GRM7: variants seen among roughly 807,000 people sequenced by gnomAD.
GRM7 encodes the protein metabotropic glutamate receptor 7.
In GRM7, 35 loss-of-function variants were observed where a neutral mutation model predicts 84.5. That is an observed-to-expected ratio of 0.41 (90% CI 0.32 to 0.55). The LOEUF (loss-of-function observed/expected upper bound fraction) is 0.55. GRM7 is among the 20% of genes least tolerant of loss of function. The pLI is 0.19. For missense variants in GRM7, 1,003 were observed against 1,194.6 expected (o/e 0.84, Z 2.36); for synonymous variants, 487 against 455.1 (o/e 1.07, Z -0.89).
intron 4 of GRM7, among the ~76,000 whole-genome samples, chr3:7,410,538 A>G (rs1695881392): frequency 6.6e-6 from 1 of 151,232 alleles, no homozygotes; most frequent in African/African-American, 2.4e-5. Flanking sequence ...GAGCCACTGC[A>G]CTCCAGCCTG....
chr3:6,987,122 C>T, intron 1 of GRM7, among the ~76,000 whole-genome samples: 1 of 152,252 alleles, frequency 6.6e-6, no homozygotes, highest in African/African-American at 2.4e-5. Flanking sequence ...CTTTAGCTCC[C>T]TCCCTGTTTG....
At chr3:7,150,630 A>G (rs1197675610) in intron 2 of GRM7, among the ~76,000 whole-genome samples, 1 of 152,228 alleles carries the variant, frequency 6.6e-6, no homozygotes, top group African/African-American at 2.4e-5. Flanking sequence ...TTATATTTGC[A>G]TAAATTGCCC....
chr3:7,341,484 C>A (rs562687442), intron 4 of GRM7, among the ~76,000 whole-genome samples: 85 of 151,730 alleles, frequency 5.6e-4, no homozygotes, highest in Middle Eastern at 3.4e-3. Flanking sequence ...TTTTATGAGC[C>A]TTTGCAATCC....
At chr3:7,158,882 A>T (rs1275774238) in intron 2 of GRM7, among the ~76,000 whole-genome samples, 1 of 152,180 alleles carries the variant, frequency 6.6e-6, no homozygotes, top group Non-Finnish European at 1.5e-5. Context: ...TGTATTTCCT[A>T]ATTCCTTAAA....
At chr3:7,363,995 T>C (rs1014126131) in intron 4 of GRM7, among the ~76,000 whole-genome samples, 2 of 152,058 alleles carry the variant, frequency 1.3e-5, no homozygotes, top group African/African-American at 4.8e-5. Flanking sequence ...TCTCCAACTG[T>C]TAAGAGTTGG....
intron 9 of GRM7, among the ~76,000 whole-genome samples, chr3:7,729,402 G>A (rs1018879821): frequency 6.6e-6 from 1 of 152,156 alleles, no homozygotes; most frequent in Non-Finnish European, 1.5e-5. Context: ...AAAGTGCTGT[G>A]TCATATTCCT....
At chr3:7,064,680 A>G (rs1023927370) in intron 1 of GRM7, among the ~76,000 whole-genome samples, 8 of 150,942 alleles carry the variant, frequency 5.3e-5, no homozygotes, top group Admixed American at 4.6e-4. Flanking sequence ...TCTTTTTCGA[A>G]TAGTGTCTTC....
At chr3:7,261,439 T>C (rs1475810743) in intron 2 of GRM7, among the ~76,000 whole-genome samples, 1 of 152,198 alleles carries the variant, frequency 6.6e-6, no homozygotes, top group Non-Finnish European at 1.5e-5. Flanking sequence ...TGTTATCCAT[T>C]TGCTTGGTAG....
intron 2 of GRM7, among the ~76,000 whole-genome samples, chr3:7,208,619 C>T (rs186901497): frequency 9.2e-5 from 14 of 152,264 alleles, no homozygotes; most frequent in Admixed American, 2.0e-4. Context: ...TAAACACTAG[C>T]TGATATCGTA....
At chr3:7,568,107 T>C (rs926873254) in intron 7 of GRM7, among the ~76,000 whole-genome samples, 3 of 152,220 alleles carry the variant, frequency 2.0e-5, no homozygotes, top group Non-Finnish European at 4.4e-5. Flanking sequence ...TAATTGCTGG[T>C]GGCAGGGCTA....
At chr3:6,906,695 A>G (rs1421723135) in intron 1 of GRM7, among the ~76,000 whole-genome samples, 1 of 152,116 alleles carries the variant, frequency 6.6e-6, no homozygotes, top group Non-Finnish European at 1.5e-5. Context: ...TGCATGAAGC[A>G]TTTTCAAGGA....
At chr3:7,371,158 AT>A (rs1694113994) in intron 4 of GRM7, among the ~76,000 whole-genome samples, 1 of 152,078 alleles carries the variant, frequency 6.6e-6, no homozygotes, top group Non-Finnish European at 1.5e-5. Context: ...GTAAAGGACC[AT>A]TTTAAAAAAA....
chr3:7,701,661 G>A (rs558185077), intron 9 of GRM7, among the ~76,000 whole-genome samples: 76 of 152,188 alleles, frequency 5.0e-4, no homozygotes, highest in African/African-American at 1.6e-3. Context: ...GTAATTAAAC[G>A]GGTGGTAGGA....
chr3:6,963,844 T>C (rs1575073780), intron 1 of GRM7, among the ~76,000 whole-genome samples: 1 of 152,302 alleles, frequency 6.6e-6, no homozygotes, highest in South Asian at 2.1e-4. Context: ...GAGAAATATA[T>C]GCTTATTTTT....
intron 3 of GRM7, among the ~76,000 whole-genome samples, chr3:7,305,699 C>A (rs1008884270): frequency 2.6e-5 from 4 of 151,656 alleles, no homozygotes; most frequent in Non-Finnish European, 5.9e-5. Flanking sequence ...TGGCCTTTGT[C>A]AGCTTATTCA....
At chr3:7,263,617 G>C (rs1698522238) in intron 2 of GRM7, among the ~76,000 whole-genome samples, 1 of 152,196 alleles carries the variant, frequency 6.6e-6, no homozygotes, top group South Asian at 2.1e-4. Flanking sequence ...ACAGGCCTCT[G>C]TGTGACCTCT....
At chr3:7,193,095 C>A (rs193284475) in intron 2 of GRM7, among the ~76,000 whole-genome samples, 22 of 152,158 alleles carry the variant, frequency 1.4e-4, no homozygotes, top group Non-Finnish European at 2.9e-4. Context: ...GAACTACTAC[C>A]TTTAGACTCA....
intron 7 of GRM7, among the ~76,000 whole-genome samples, chr3:7,466,754 T>G (rs1440737763): frequency 6.6e-6 from 1 of 152,246 alleles, no homozygotes; most frequent in Non-Finnish European, 1.5e-5. Context: ...TCTGGATAAC[T>G]GAAGTTCTAC....
intron 8 of GRM7, among the ~76,000 whole-genome samples, chr3:7,587,981 T>A (rs1695598162): frequency 6.6e-6 from 1 of 152,144 alleles, no homozygotes; most frequent in Non-Finnish European, 1.5e-5. Context: ...CTTCGTGGGA[T>A]GTTTGGTGGG....
Sources: allele counts gnomAD v4.1 joint callset (sites outside exome capture counted in the v4.1 genomes callset), GRCh38; gene constraint gnomAD v4.1.1; transcripts MANE v1.5; gene names NCBI Gene and HGNC (gene_info 2026-07-23, HGNC 2026-07-21).